GPHN: variants seen among roughly 807,000 people sequenced by gnomAD.
GPHN encodes the protein gephyrin.
GPHN carries 17 observed loss-of-function variants against 95.5 expected under a neutral mutation model. The ratio of observed to expected loss-of-function variants is 0.18; its 90% CI spans 0.12 to 0.27. The LOEUF (loss-of-function observed/expected upper bound fraction) is 0.27, where lower values mean the gene tolerates loss of function less well. GPHN is among the 10% of genes least tolerant of loss of function. GPHN has a pLI of 1.00. For missense variants in GPHN, 660 were observed against 978.1 expected (o/e 0.67, Z 4.34); for synonymous variants, 320 against 322.5 (o/e 0.99, Z 0.08).
rs1477245056 is a variant in GPHN at position 67,038,494 on chromosome 14, A to G, written c.1006+14819A>G. Among the ~76,000 whole-genome samples the G allele has an allele frequency of 3.3e-5, 5 of 152,274 alleles. No homozygotes were observed. In the East Asian group the frequency reaches 9.6e-4, roughly 29 times the overall value. Reference sequence around the variant, plus strand: ...ATCTGGAAAATGTATTAAAAAGTTAAGTTAATCATTGATCATAGAATTATC... The same window carrying G: ...ATCTGGAAAATGTATTAAAAAGTTAGGTTAATCATTGATCATAGAATTATC... On this transcript the variant is annotated intron_variant, in intron 10 of 22. Transcript: ENST00000478722.
At chr14:66,777,598 A>G (rs2059431637) in intron 3 of GPHN, among the ~76,000 whole-genome samples, 1 of 152,200 alleles carries the variant, frequency 6.6e-6, no homozygotes, top group African/African-American at 2.4e-5. Context: ...AACCGAATCC[A>G]GCAGCACATC....
the GPHN span, among the ~76,000 whole-genome samples, chr14:67,230,636 T>C: frequency 6.6e-6 from 1 of 152,104 alleles, no homozygotes; most frequent in African/African-American, 2.4e-5. Context: ...AGACATATAT[T>C]CAAAATAAGA....
the GPHN span, chr14:67,316,744 G>C: frequency 1.0e-6 from 1 of 969,766 alleles, no homozygotes; most frequent in Non-Finnish European, 1.5e-6. Context: ...GAAGAGATAT[G>C]TCTAGTGTTT....
chr14:66,583,397 C>T (rs903390858), intron 1 of GPHN, among the ~76,000 whole-genome samples: 7 of 151,986 alleles, frequency 4.6e-5, no homozygotes, highest in African/African-American at 1.4e-4. Flanking sequence ...TAATTAGATC[C>T]CATTTGTCAA....
In GPHN at chr14:66,891,965, A is replaced by G. The variant is rs113874798; in HGVS notation, c.389+11932A>G. On this transcript the variant is annotated intron_variant, in intron 5 of 22. Coordinates refer to ENST00000478722, the MANE Select transcript of GPHN (RefSeq NM_020806.5). ...CATTACGTTGGCTGTTATCAAAAAA[A>G]TAATAATAAATAAGTGGTGGCAGAA... 3.1e-3 allele frequency among the ~76,000 whole-genome samples: 467 copies of G among 152,238 alleles called. 11 individuals carry two copies. The highest frequency in any genetic ancestry group is 0.011 in the African/African-American group (442 of 41,558).
At position 67,097,436 on chromosome 14, in the gene GPHN, G is replaced by A. The variant is rs183476757; in HGVS notation, c.1238-3420G>A. ...AGATATAAGGAAGACATGAACCAAGGCCTTTGCACATATGTTCTCTTTGCA... is the reference window on the plus strand; with the variant it reads ...AGATATAAGGAAGACATGAACCAAGACCTTTGCACATATGTTCTCTTTGCA... On this transcript the variant is annotated intron_variant, in intron 12 of 22. Coordinates refer to ENST00000478722, the MANE Select transcript of GPHN (RefSeq NM_020806.5). Among the ~76,000 whole-genome samples the A allele has an allele frequency of 9.9e-5, 15 of 152,170 alleles. No individual in the cohort carries two copies. The East Asian group carries it at 2.7e-3, about 27-fold the overall frequency.
At chr14:66,559,335 A>G (rs1376077890) in intron 1 of GPHN, among the ~76,000 whole-genome samples, 3 of 134,230 alleles carry the variant, frequency 2.2e-5, no homozygotes, top group African/African-American at 2.9e-5. Context: ...CAATGGTGGA[A>G]CTAGTTTACA....
At chr14:66,711,221 C>G (rs1339827717) in intron 2 of GPHN, among the ~76,000 whole-genome samples, 1 of 152,114 alleles carries the variant, frequency 6.6e-6, no homozygotes, top group Non-Finnish European at 1.5e-5. Context: ...TCATTAAAGT[C>G]TGTTGTATCA....
chr14:66,518,668 C>G (rs1478442775), intron 1 of GPHN, among the ~76,000 whole-genome samples: 5 of 152,008 alleles, frequency 3.3e-5, no homozygotes, highest in Non-Finnish European at 7.4e-5. Flanking sequence ...AGAATGAAAT[C>G]CTATCATTCA....
At chr14:67,431,391 CAA>C in the GPHN span, among the ~76,000 whole-genome samples, 1,094 of 77,320 alleles carry the variant, frequency 0.014, 40 homozygotes, top group African/African-American at 0.031. Context: ...GACTCTGTCT[CAA>C]AAAAAAAAAA....
chr14:66,775,218 G>T (rs1022951923), intron 2 of GPHN, among the ~76,000 whole-genome samples: 4 of 151,864 alleles, frequency 2.6e-5, no homozygotes, highest in African/African-American at 4.8e-5. Context: ...TTTGGGAGAG[G>T]AGATATCCTA....
At chr14:67,047,412 C>T (rs1337561391) in intron 10 of GPHN, among the ~76,000 whole-genome samples, 24 of 144,918 alleles carry the variant, frequency 1.7e-4, no homozygotes, top group Non-Finnish European at 3.3e-4. Flanking sequence ...GTTGCCCAGG[C>T]TGGAGTGCAG....
chr14:67,257,080 C>T, the GPHN span, among the ~76,000 whole-genome samples: 4 of 152,034 alleles, frequency 2.6e-5, no homozygotes, highest in African/African-American at 4.8e-5. Flanking sequence ...TCCGGTAAGA[C>T]GGAACAACTT....
intron 2 of GPHN, among the ~76,000 whole-genome samples, chr14:66,753,899 A>G (rs1291438597): frequency 6.6e-6 from 1 of 152,062 alleles, no homozygotes; most frequent in African/African-American, 2.4e-5. Flanking sequence ...CTATGTAACC[A>G]CAAATCTACT....
intron 5 of GPHN, among the ~76,000 whole-genome samples, chr14:66,903,214 A>G (rs183682611): frequency 2.3e-3 from 350 of 152,242 alleles, no homozygotes; most frequent in Non-Finnish European, 3.0e-3. Context: ...GTCCCCTACT[A>G]TTATTGTATT....
At chr14:67,695,659 G>C in the GPHN span, 66 of 1,614,194 alleles carry the variant, frequency 4.1e-5, 1 homozygote, top group South Asian at 7.2e-4. Flanking sequence ...TATACAGAAG[G>C]AAGGGCAGAA....
At chr14:67,251,284 A>G in the GPHN span, among the ~76,000 whole-genome samples, 1 of 152,206 alleles carries the variant, frequency 6.6e-6, no homozygotes, top group African/African-American at 2.4e-5. Flanking sequence ...CTGAAATCCC[A>G]GTATTTTGGA....
chr14:67,616,816 A>G, the GPHN span: 2 of 152,086 alleles, frequency 1.3e-5, no homozygotes, highest in Non-Finnish European at 2.9e-5. Flanking sequence ...TATATTTTAA[A>G]TAATTTTGTT....
chr14:67,338,819 T>G, the GPHN span: 18,946 of 1,477,334 alleles, frequency 0.013, 146 homozygotes, highest in Non-Finnish European at 0.014. Flanking sequence ...TTAAGTAGAT[T>G]TGATTTCTTT....
Sources: gnomAD v4.1 joint callset for allele counts (sites outside exome capture counted in the v4.1 genomes callset) on GRCh38, gnomAD v4.1.1 for gene constraint, MANE v1.5 for transcripts, NCBI Gene and HGNC (gene_info 2026-07-23, HGNC 2026-07-21) for gene names.